GRIP2: variants seen among roughly 807,000 people sequenced by gnomAD.
The protein encoded by GRIP2 is glutamate receptor-interacting protein 2.
GRIP2 carries 58 observed loss-of-function variants against 108.3 expected under a neutral mutation model. The ratio of observed to expected loss-of-function variants is 0.54; its 90% confidence interval spans 0.43 to 0.67. The LOEUF (loss-of-function observed/expected upper bound fraction) is 0.67. Ranked by LOEUF, GRIP2 falls within the 30% of genes least tolerant of loss-of-function variation. The pLI is 0.00. For synonymous variants in GRIP2, 586 were observed against 598.2 expected (o/e 0.98, Z 0.30); for missense variants, 1,278 against 1,430.6 (o/e 0.89, Z 1.72).
chr3:14,593,728 TG>T, the GRIP2 span, among the ~76,000 whole-genome samples: 1 of 152,244 alleles, frequency 6.6e-6, no homozygotes. Context: ...TGCTGGCATT[TG>T]GGGTGGAGAG....
intron 23 of GRIP2, among the ~76,000 whole-genome samples, 151 bp from the exon 24 acceptor site, chr3:14,493,977 T>C (rs893324999): frequency 6.6e-6 from 1 of 152,214 alleles, no homozygotes; most frequent in African/African-American, 2.4e-5. Context: ...AGGAACATTC[T>C]TCCTCTAACT....
chr3:14,525,800 C>T, intron 2 of GRIP2, 51 bp downstream of exon 2: 2 of 1,522,130 alleles, frequency 1.3e-6, no homozygotes, highest in Non-Finnish European at 1.8e-6. Flanking sequence ...CCACCTAGGG[C>T]TCTCTGTGCC....
chr3:14,511,628 T>G lies in GRIP2; in HGVS notation c.1721-149A>C. On this transcript the variant is annotated intron_variant, in intron 14 of 23. Coordinates refer to ENST00000621039, the MANE Select transcript of GRIP2 (RefSeq NM_001080423.4). The surrounding 1 kb of genome is among the most constrained non-coding windows in gnomAD (Gnocchi z 4.1). The stretch of plus-strand genomic sequence containing the variant: ...TCCTGGCTGGGTGACCGTGAGCAAA[T>G]CAGCTCACCTCCCTGTGCATCAGTT... 1.4e-6 allele frequency: 1 copy of G among 713,396 alleles called. No individual in the cohort carries two copies. The highest frequency in any genetic ancestry group is 1.7e-5 in the South Asian group (1 of 58,052). The allele number at this position is 713,396 out of a possible 1,614,324, so 44.2% of individuals were successfully genotyped here. A position where few individuals can be genotyped will look rare whatever the true frequency, so the allele number is the denominator to read the frequency against.
Position 14,490,444 on chromosome 3 carries a change from G to A in GRIP2, c.*3221C>T, listed in dbSNP as rs565813150. On this transcript the variant is annotated 3_prime_UTR_variant, in exon 24 of 24. Coordinates refer to ENST00000621039, the MANE Select transcript of GRIP2 (RefSeq NM_001080423.4). ...GCCTCCCCAGTGGGGCCTGGCCCTG[G>A]CCTCTGGGTCCCAGACCCTGTAGCT... is the stretch of plus-strand genomic sequence containing the variant. 2.6e-5 allele frequency: 4 copies of A among 152,824 alleles called. No homozygotes were observed. Among genetic ancestry groups the A allele is most frequent in the Admixed American group, 2.0e-4 (3 of 15,314 alleles). 9.5% of individuals were successfully genotyped at this position (152,824 alleles called of 1,614,324 possible).
In GRIP2 at chr3:14,525,058, G is replaced by A. The variant is rs192335394; in HGVS notation, c.257+379C>T. ...AGCAGTGCAGCTGCCTTGGCCTCGGGTCAGGGAGGGCTTCCTGGAGGCAGT... is the reference window on the plus strand; with the variant it reads ...AGCAGTGCAGCTGCCTTGGCCTCGGATCAGGGAGGGCTTCCTGGAGGCAGT... On this transcript the variant is annotated intron_variant, in intron 3 of 23. Transcript: ENST00000621039. 2.1e-3 allele frequency among the ~76,000 whole-genome samples: 321 copies of A among 152,322 alleles called. 1 individual carries two copies. Among genetic ancestry groups the A allele is most frequent in the Non-Finnish European group, 2.5e-3 (169 of 68,032 alleles).
chr3:14,520,187 G>A lies in GRIP2; in HGVS notation c.953C>T (p.Ala318Val). ...CAGCCGCACCTTCTCTGAAATGCTG[G>A]CCAGGAGCTTGGTGGCCTCAAGCAG... Reference protein sequence around the residue: ...CSLLEATKLLASISEKVRLEI... With the variant: ...CSLLEATKLLVSISEKVRLEI... The change falls in exon 9 of 24, where the codon GCC (alanine) becomes GTC (valine). Residue 318 changes from alanine (A) to valine (V), a missense_variant. Coordinates refer to ENST00000621039, the MANE Select transcript of GRIP2 (RefSeq NM_001080423.4). 6.2e-7 allele frequency: 1 copy of A among 1,613,174 alleles called. No individual in the cohort carries two copies. The highest frequency in any genetic ancestry group is 8.5e-7 in the Non-Finnish European group (1 of 1,179,720).
intron 1 of GRIP2, among the ~76,000 whole-genome samples, chr3:14,528,000 C>A (rs565602852): frequency 5.3e-5 from 8 of 152,192 alleles, no homozygotes; most frequent in Non-Finnish European, 1.0e-4. Flanking sequence ...ACCACCACCA[C>A]GACCAAGTTT....
chr3:14,599,310 A>G, the GRIP2 span, among the ~76,000 whole-genome samples: 1 of 152,124 alleles, frequency 6.6e-6, no homozygotes, highest in Non-Finnish European at 1.5e-5. Context: ...TCTATTAGAG[A>G]CAGAAAGGGC....
At chr3:14,555,229 C>T (rs1392294135) in intron 1 of GRIP2, among the ~76,000 whole-genome samples, 1 of 152,150 alleles carries the variant, frequency 6.6e-6, no homozygotes, top group Non-Finnish European at 1.5e-5. Context: ...CTATGTCCCC[C>T]TGTCCCAACT....
At chr3:14,563,689 G>C in the GRIP2 span, among the ~76,000 whole-genome samples, 113 of 152,228 alleles carry the variant, frequency 7.4e-4, no homozygotes, top group Middle Eastern at 6.8e-3. Flanking sequence ...CAGTCATCAA[G>C]CCTCACCTTA....
At chr3:14,495,944 G>C (rs1183153523) in intron 22 of GRIP2, among the ~76,000 whole-genome samples, 2 of 152,044 alleles carry the variant, frequency 1.3e-5, no homozygotes, top group Non-Finnish European at 2.9e-5. Flanking sequence ...CCAGGAGTTT[G>C]AGACCAGCCT....
chr3:14,574,766 G>C, the GRIP2 span: 1 of 390,814 alleles, frequency 2.6e-6, no homozygotes, highest in Non-Finnish European at 4.9e-6. Flanking sequence ...CTGCATGGAA[G>C]CTCATCTTGG....
At chr3:14,502,589 A>C (rs1019753253) in intron 21 of GRIP2, among the ~76,000 whole-genome samples, 1 of 152,226 alleles carries the variant, frequency 6.6e-6, no homozygotes, top group African/African-American at 2.4e-5. Flanking sequence ...CAATATTATT[A>C]TGAGACAAAA....
At chr3:14,573,499 C>T in the GRIP2 span, 1 of 1,546,998 alleles carries the variant, frequency 6.5e-7, no homozygotes, top group Non-Finnish European at 8.9e-7. Flanking sequence ...GGCAGGAGCC[C>T]ACACACATCA....
rs927931831 is a variant in GRIP2, at chr3:14,489,521, G to A, written c.*4144C>T. ...CAGAGGAAGCAGCTTGCTCACTCAGGGGTACACAGCAAGTCCATGAAAGAA... is the reference window on the plus strand; with the variant it reads ...CAGAGGAAGCAGCTTGCTCACTCAGAGGTACACAGCAAGTCCATGAAAGAA... On this transcript the variant is annotated 3_prime_UTR_variant, in exon 24 of 24. Coordinates refer to ENST00000621039, the MANE Select transcript of GRIP2 (RefSeq NM_001080423.4). 1.8e-4 allele frequency: 28 copies of A among 152,424 alleles called. 1 individual carries two copies. Among genetic ancestry groups the A allele is most frequent in the African/African-American group, 6.5e-4 (27 of 41,520 alleles). The allele number at this position is 152,424 out of a possible 1,614,324, so 9.4% of individuals were successfully genotyped here.
At chr3:14,536,332 C>T (rs1694832867) in intron 1 of GRIP2, among the ~76,000 whole-genome samples, 1 of 152,184 alleles carries the variant, frequency 6.6e-6, no homozygotes, top group African/African-American at 2.4e-5. Context: ...AGCCACTGAG[C>T]TGGTGAGCTG....
rs1452961891 is a variant in GRIP2 at position 14,522,963 on chromosome 3, T to G, written c.566+37A>C. ...TTCTTCGCAGGGGAGTTGGGGCAGG[T>G]CAGTGCAGTGTGTGGATTTCTTCTG... On this transcript the variant is annotated intron_variant, in intron 6 of 23. Coordinates refer to ENST00000621039, the MANE Select transcript of GRIP2 (RefSeq NM_001080423.4). The surrounding 1 kb of genome is among the most constrained non-coding windows in gnomAD (Gnocchi z 4.3). 6.3e-6 allele frequency: 10 copies of G among 1,576,910 alleles called. No homozygotes were observed. The highest frequency in any genetic ancestry group is 7.9e-6 in the Non-Finnish European group (9 of 1,146,378).
chr3:14,546,922 T>C (rs1462535760), upstream of GRIP2, among the ~76,000 whole-genome samples: 5 of 152,186 alleles, frequency 3.3e-5, no homozygotes, highest in Admixed American at 2.6e-4. Flanking sequence ...ATTCCATGTC[T>C]GGCCACCTGT....
intron 1 of GRIP2, among the ~76,000 whole-genome samples, chr3:14,532,257 C>T (rs988460019): frequency 2.0e-5 from 3 of 152,160 alleles, no homozygotes; most frequent in Non-Finnish European, 4.4e-5. Context: ...GGCCACTTTC[C>T]CCACTCTGCT....
Sources: allele counts gnomAD v4.1 joint callset (sites outside exome capture counted in the v4.1 genomes callset), GRCh38; gene constraint gnomAD v4.1.1; non-coding constraint Gnocchi (gnomAD v3.1); transcripts MANE v1.5; gene names NCBI Gene and HGNC (gene_info 2026-07-23, HGNC 2026-07-21).